The following ROBO1 variants were observed in gnomAD, a reference collection of about 807,000 sequenced individuals.
ROBO1 encodes roundabout guidance receptor 1.
A neutral mutation model predicts 195.9 loss-of-function variants in ROBO1; 149 were observed. The ratio of observed to expected loss-of-function variants is 0.76; its 90% CI spans 0.67 to 0.87. The LOEUF (loss-of-function observed/expected upper bound fraction) is 0.87, where lower values mean the gene tolerates loss of function less well. Among genes scored for constraint, ROBO1 ranks in the 40% least tolerant of loss-of-function variants. The pLI is 0.00. For missense variants in ROBO1, 1,933 were observed against 2,068.3 expected (o/e 0.93, Z 1.27); for synonymous variants, 816 against 733.2 (o/e 1.11, Z -1.82).
intron 4 of ROBO1, among the ~76,000 whole-genome samples, chr3:78,873,180 T>A (rs2035645386): frequency 6.6e-6 from 1 of 152,162 alleles, no homozygotes; most frequent in Non-Finnish European, 1.5e-5. Flanking sequence ...AAGGGTTATG[T>A]TTAAGTCTCT....
At chr3:79,559,717 GACCAGCCTGACTA>G (rs1218149125) in intron 2 of ROBO1, among the ~76,000 whole-genome samples, 3 of 152,046 alleles carry the variant, frequency 2.0e-5, no homozygotes, top group Non-Finnish European at 4.4e-5. Context: ...AGGATTTCGA[GACCAGCCTGACTA>G]ACATGGTGAA....
At chr3:78,996,099 T>G (rs2077358607) in intron 3 of ROBO1, among the ~76,000 whole-genome samples, 1 of 152,112 alleles carries the variant, frequency 6.6e-6, no homozygotes, top group Non-Finnish European at 1.5e-5. Flanking sequence ...ATTTCAATTT[T>G]TATATGTTAC....
At chr3:79,506,841 T>A (rs1189683103) in intron 2 of ROBO1, among the ~76,000 whole-genome samples, 3 of 152,218 alleles carry the variant, frequency 2.0e-5, no homozygotes, top group South Asian at 4.1e-4. Context: ...ATATTAGGTA[T>A]GTGAAAGGTT....
At chr3:78,778,092 C>A (rs748583202) in intron 4 of ROBO1, among the ~76,000 whole-genome samples, 1 of 152,082 alleles carries the variant, frequency 6.6e-6, no homozygotes, top group Non-Finnish European at 1.5e-5. Context: ...TTGAGATAAT[C>A]ATTTGGTTTT....
chr3:78,776,239 C>CTTAT (rs4055619), intron 4 of ROBO1, among the ~76,000 whole-genome samples: 1,901 of 150,844 alleles, frequency 0.013, 16 homozygotes, highest in African/African-American at 0.018. Flanking sequence ...TGAAGAAATT[C>CTTAT]TTATTTATTT....
At chr3:78,749,152 T>C (rs768371927) in intron 4 of ROBO1, among the ~76,000 whole-genome samples, 1 of 152,150 alleles carries the variant, frequency 6.6e-6, no homozygotes, top group East Asian at 1.9e-4. Context: ...TATTAATCAA[T>C]GATAACATCT....
At chr3:79,722,150 CTAAA>C (rs1198882925) in intron 1 of ROBO1, among the ~76,000 whole-genome samples, 2 of 150,948 alleles carry the variant, frequency 1.3e-5, no homozygotes, top group Non-Finnish European at 3.0e-5. Flanking sequence ...TTTAAGGAAA[CTAAA>C]TAATATTTTA....
intron 4 of ROBO1, among the ~76,000 whole-genome samples, chr3:78,916,308 T>C (rs1362731629): frequency 6.7e-6 from 1 of 149,174 alleles, no homozygotes; most frequent in African/African-American, 2.5e-5. Context: ...ATCCCAGCAC[T>C]TTGGGAAGCC....
intron 2 of ROBO1, among the ~76,000 whole-genome samples, chr3:79,149,900 G>A (rs2080732343): frequency 1.3e-5 from 2 of 151,778 alleles, no homozygotes; most frequent in South Asian, 4.1e-4. Context: ...AGAATGCTCT[G>A]GCACATTTCA....
chr3:79,334,160 C>T (rs1168393204), intron 2 of ROBO1, among the ~76,000 whole-genome samples: 1 of 151,512 alleles, frequency 6.6e-6, no homozygotes, highest in African/African-American at 2.4e-5. Context: ...AAAAAATTAG[C>T]CGGGCGTGGT....
chr3:79,671,492 C>G (rs1946630868), intron 1 of ROBO1, among the ~76,000 whole-genome samples: 1 of 151,836 alleles, frequency 6.6e-6, no homozygotes, highest in African/African-American at 2.4e-5. Flanking sequence ...ACAAATTCAA[C>G]AGTACATTCT....
chr3:78,812,102 G>A lies in ROBO1; in HGVS notation c.500-65202C>T, dbSNP rs114400184. Among the ~76,000 whole-genome samples, 192 of 152,212 alleles carry A rather than the reference G, an allele frequency of 1.3e-3. 1 individual carries two copies. Among genetic ancestry groups the A allele is most frequent in the Non-Finnish European group, 2.4e-3 (166 of 68,006 alleles). The stretch of plus-strand genomic sequence containing the variant: ...ACAATACCAGCACACGTTTTGTTAT[G>A]TGGAGGCCATGCATCTAAATCAAGA... On this transcript the variant is annotated intron_variant, in intron 4 of 30. Coordinates refer to ENST00000464233, the MANE Select transcript of ROBO1 (RefSeq NM_002941.4).
chr3:78,610,127 ATGG>A (rs1464164925), intron 28 of ROBO1, among the ~76,000 whole-genome samples: 4 of 152,180 alleles, frequency 2.6e-5, no homozygotes, highest in African/African-American at 9.7e-5. Context: ...TTTAGCCAAA[ATGG>A]TAGCCAATTA....
chr3:79,030,858 A>C (rs1158685093), intron 3 of ROBO1, among the ~76,000 whole-genome samples: 2 of 152,098 alleles, frequency 1.3e-5, no homozygotes, highest in Admixed American at 6.6e-5. Context: ...AGTAGCTGGG[A>C]TTACAGGCAC....
chr3:79,454,133 T>C (rs2039537951), intron 2 of ROBO1, among the ~76,000 whole-genome samples: 1 of 144,100 alleles, frequency 6.9e-6, no homozygotes, highest in African/African-American at 2.7e-5. Flanking sequence ...TTTCATTCCT[T>C]TTTTTTTTTT....
intron 8 of ROBO1, among the ~76,000 whole-genome samples, chr3:78,696,881 T>A (rs2081309563): frequency 6.6e-6 from 1 of 151,912 alleles, no homozygotes; most frequent in African/African-American, 2.4e-5. Flanking sequence ...TTGAAAAATT[T>A]ATTTTTGCAA....
intron 3 of ROBO1, among the ~76,000 whole-genome samples, chr3:79,080,705 C>A (rs562884675): frequency 6.6e-6 from 1 of 151,918 alleles, no homozygotes; most frequent in South Asian, 2.1e-4. Context: ...AGGTCATGGC[C>A]GCTCTAATTC....
chr3:79,044,145 C>T (rs1232569446), intron 3 of ROBO1, among the ~76,000 whole-genome samples: 6 of 146,204 alleles, frequency 4.1e-5, no homozygotes, highest in African/African-American at 1.3e-4. Flanking sequence ...AAAAAAATCG[C>T]AAAAAAAAAT....
intron 4 of ROBO1, among the ~76,000 whole-genome samples, chr3:78,875,389 ACT>A (rs1349614919): frequency 6.6e-6 from 1 of 152,010 alleles, no homozygotes; most frequent in Non-Finnish European, 1.5e-5. Flanking sequence ...GCAAAAGCAA[ACT>A]CAACACAATT....
Sources: allele counts gnomAD v4.1 joint callset (sites outside exome capture counted in the v4.1 genomes callset), GRCh38; gene constraint gnomAD v4.1.1; transcripts MANE v1.5; gene names NCBI Gene and HGNC (gene_info 2026-07-23, HGNC 2026-07-21).